NRXN1: variants seen among roughly 807,000 people sequenced by gnomAD.
The protein encoded by NRXN1 is neurexin-1.
Under a neutral mutation model 150.9 loss-of-function variants are expected in NRXN1, and 39 were observed. The ratio of observed to expected loss-of-function variants is 0.26; its 90% CI spans 0.20 to 0.34. NRXN1 has a LOEUF of 0.34. Among genes scored for constraint, NRXN1 ranks in the 10% least tolerant of loss-of-function variants. The pLI, the probability that NRXN1 is intolerant of heterozygous loss-of-function variation, is 1.00. For missense variants in NRXN1, 1,815 were observed against 1,949.9 expected, an observed-to-expected ratio of 0.93 and a Z score of 1.30; for synonymous variants, 924 against 757.0, an observed-to-expected ratio of 1.22 and a Z score of -3.62.
chr2:50,747,659 A>G (rs1426602231), intron 5 of NRXN1, among the ~76,000 whole-genome samples: 1 of 152,038 alleles, frequency 6.6e-6, no homozygotes, highest in African/African-American at 2.4e-5. Context: ...TCAAGATTCT[A>G]TTATCTTTGG....
chr2:50,264,024 G>C (rs1000622593), intron 17 of NRXN1, among the ~76,000 whole-genome samples: 2 of 152,064 alleles, frequency 1.3e-5, no homozygotes, highest in African/African-American at 4.8e-5. Flanking sequence ...CTAGTCTGTT[G>C]AGTGAAGCTT....
intron 15 of NRXN1, among the ~76,000 whole-genome samples, chr2:50,474,839 C>CCCCCAAAAAAA (rs1558795095): frequency 1.8e-5 from 2 of 108,848 alleles, no homozygotes; most frequent in Non-Finnish European, 1.8e-5. Flanking sequence ...GCCCCCCTAC[C>CCCCCAAAAAAA]AAAAAAAAAA....
intron 17 of NRXN1, among the ~76,000 whole-genome samples, chr2:50,363,441 A>G (rs1022916902): frequency 1.3e-5 from 2 of 152,254 alleles, no homozygotes; most frequent in African/African-American, 4.8e-5. Flanking sequence ...GGATATGAAC[A>G]GACACTTTTC....
At chr2:50,095,834 C>T (rs1378145906) in intron 18 of NRXN1, among the ~76,000 whole-genome samples, 2 of 150,844 alleles carry the variant, frequency 1.3e-5, no homozygotes, top group Non-Finnish European at 2.9e-5. Context: ...ATGTGCACAA[C>T]GTGCAGGTTT....
chr2:50,357,803 G>C (rs2078925185), intron 17 of NRXN1, among the ~76,000 whole-genome samples: 1 of 152,178 alleles, frequency 6.6e-6, no homozygotes, highest in Admixed American at 6.5e-5. Flanking sequence ...GGCCAAATAG[G>C]AACAGCTCTG....
chr2:50,903,023 G>A (rs1300358673), intron 5 of NRXN1, among the ~76,000 whole-genome samples: 5 of 152,116 alleles, frequency 3.3e-5, no homozygotes, highest in Admixed American at 3.3e-4. Context: ...TGAAGCTGCT[G>A]AGAAAAGTAG....
At chr2:50,698,605 C>T (rs577115624) in intron 5 of NRXN1, among the ~76,000 whole-genome samples, 1 of 152,260 alleles carries the variant, frequency 6.6e-6, no homozygotes, top group East Asian at 1.9e-4. Context: ...AATACATATA[C>T]ATAACCTATA....
intron 18 of NRXN1, among the ~76,000 whole-genome samples, chr2:50,115,157 T>G (rs57366806): frequency 0.27 from 40,722 of 148,304 alleles, 6,010 homozygotes; most frequent in Admixed American, 0.4. Flanking sequence ...TTTTTTTTTT[T>G]TGTGAACCTA....
intron 5 of NRXN1, among the ~76,000 whole-genome samples, chr2:50,908,250 C>A (rs1315573001): frequency 6.6e-6 from 1 of 151,912 alleles, no homozygotes; most frequent in African/African-American, 2.4e-5. Flanking sequence ...TACAGAAAGG[C>A]TGACTTATGA....
At chr2:49,979,871 A>G (rs1021806085) in intron 21 of NRXN1, among the ~76,000 whole-genome samples, 1 of 151,524 alleles carries the variant, frequency 6.6e-6, no homozygotes, top group Non-Finnish European at 1.5e-5. Context: ...TGTCCAAGTG[A>G]GTAAAATTCC....
rs548644549 is a variant in NRXN1, at chr2:50,451,406, G to A, written c.3364+14036C>T. Among the ~76,000 whole-genome samples, 5 of 152,242 alleles carry A rather than the reference G, an allele frequency of 3.3e-5. No individual in the cohort carries two copies. In the East Asian group the frequency reaches 9.6e-4, roughly 29 times the overall value. ...CATTTTTAAAGTCTGCTCATTCACT[G>A]AACGAGGTATACAAAGCTATTCTTT... On this transcript the variant is annotated intron_variant, in intron 17 of 22. Coordinates refer to ENST00000401669, the MANE Select transcript of NRXN1 (RefSeq NM_001330078.2).
intron 18 of NRXN1, among the ~76,000 whole-genome samples, chr2:50,092,843 T>C (rs1411570576): frequency 6.6e-6 from 1 of 152,186 alleles, no homozygotes; most frequent in East Asian, 1.9e-4. Flanking sequence ...CTCTTTCTTA[T>C]AAGTTAGCAT....
intron 17 of NRXN1, among the ~76,000 whole-genome samples, chr2:50,433,930 G>T (rs2104393058): frequency 6.6e-6 from 1 of 151,242 alleles, no homozygotes; most frequent in African/African-American, 2.4e-5. Context: ...AGTAGCAACT[G>T]AACAAGCTGC....
intron 9 of NRXN1, among the ~76,000 whole-genome samples, chr2:50,552,068 G>C (rs1573515080): frequency 6.6e-6 from 1 of 152,170 alleles, no homozygotes; most frequent in African/African-American, 2.4e-5. Context: ...AAGCAGTTTG[G>C]AAGGGCAGCA....
At chr2:50,803,195 T>A (rs1220906020) in intron 5 of NRXN1, among the ~76,000 whole-genome samples, 1 of 152,218 alleles carries the variant, frequency 6.6e-6, no homozygotes, top group Non-Finnish European at 1.5e-5. Context: ...TACATTTACA[T>A]ACAATTTTAA....
chr2:50,249,488 C>T (rs940903214), intron 17 of NRXN1, among the ~76,000 whole-genome samples: 6 of 151,992 alleles, frequency 3.9e-5, no homozygotes, highest in African/African-American at 1.2e-4. Flanking sequence ...AGAATAAAAA[C>T]ATCTGTATAC....
At chr2:50,614,193 A>T (rs1451809503) in intron 8 of NRXN1, among the ~76,000 whole-genome samples, 3 of 152,104 alleles carry the variant, frequency 2.0e-5, no homozygotes, top group Non-Finnish European at 4.4e-5. Flanking sequence ...CAACAAGGAA[A>T]AGTCTAGAGG....
intron 5 of NRXN1, among the ~76,000 whole-genome samples, chr2:50,698,454 A>G (rs1014213755): frequency 2.4e-4 from 36 of 152,238 alleles, no homozygotes; most frequent in African/African-American, 7.2e-4. Context: ...TCACAAAATT[A>G]TCTTAGTGTT....
At chr2:50,686,247 T>C (rs1419799179) in intron 5 of NRXN1, among the ~76,000 whole-genome samples, 4 of 152,182 alleles carry the variant, frequency 2.6e-5, no homozygotes, top group Non-Finnish European at 4.4e-5. Context: ...GCAAACATAG[T>C]ACATTTTTAA....
Sources: gnomAD v4.1 joint callset for allele counts (sites outside exome capture counted in the v4.1 genomes callset) on GRCh38, gnomAD v4.1.1 for gene constraint, MANE v1.5 for transcripts, NCBI Gene and HGNC (gene_info 2026-07-23, HGNC 2026-07-21) for gene names.